Variants in EPB41L1 observed in about 807,000 individuals in gnomAD.
The protein encoded by EPB41L1 is erythrocyte membrane protein band 4.1 like 1, also known as band 4.1-like protein 1.
EPB41L1 carries 29 observed loss-of-function variants against 97.8 expected under a neutral mutation model. The observed-to-expected ratio is 0.30, with a 90% confidence interval of 0.22 to 0.40. The LOEUF (loss-of-function observed/expected upper bound fraction) is 0.40. Among genes scored for constraint, EPB41L1 ranks in the 10% least tolerant of loss-of-function variants. The pLI, the probability that EPB41L1 is intolerant of heterozygous loss-of-function variation, is 1.00. For missense variants in EPB41L1, 812 were observed against 1,162.3 expected, an observed-to-expected ratio of 0.70 and a Z score of 4.38; for synonymous variants, 383 against 459.2, an observed-to-expected ratio of 0.83 and a Z score of 2.12.
rs368801264 is a variant in EPB41L1 at position 36,198,051 on chromosome 20, G to T, written c.1668+10G>T. 1 of 1,612,476 alleles carries T rather than the reference G, an allele frequency of 6.2e-7. No individual in the cohort carries two copies. Among genetic ancestry groups the T allele is most frequent in the Admixed American group, 1.7e-5 (1 of 59,988 alleles). ...TGAGAAAGCCAATGAGGTAGGTGTCGCCCTGAACCCCTCGATAGGGGCCTT... is the reference window on the plus strand; with the variant it reads ...TGAGAAAGCCAATGAGGTAGGTGTCTCCCTGAACCCCTCGATAGGGGCCTT... On this transcript the variant is annotated intron_variant, in intron 14 of 21. Transcript: ENST00000338074.
intron 2 of EPB41L1, among the ~76,000 whole-genome samples, chr20:36,127,467 G>T (rs1029841754): frequency 6.6e-6 from 1 of 152,160 alleles, no homozygotes; most frequent in Non-Finnish European, 1.5e-5. Flanking sequence ...CACTGTGTTG[G>T]TGTCTCTGTC....
At chr20:36,198,622 G>A (rs1017565246) in intron 14 of EPB41L1, among the ~76,000 whole-genome samples, 1 of 152,314 alleles carries the variant, frequency 6.6e-6, no homozygotes, top group South Asian at 2.1e-4. Flanking sequence ...CTGCCTTTCC[G>A]AGTGGAAAGA....
chr20:36,196,305 T>C (rs924900843), intron 13 of EPB41L1, among the ~76,000 whole-genome samples: 3 of 152,176 alleles, frequency 2.0e-5, no homozygotes, highest in African/African-American at 7.2e-5. Context: ...CCTTAACCTT[T>C]AGGGATCCCA....
At chr20:36,133,159 G>A (rs1213624699) in intron 2 of EPB41L1, among the ~76,000 whole-genome samples, 1 of 152,216 alleles carries the variant, frequency 6.6e-6, no homozygotes. Context: ...CAGTTGGCCT[G>A]GTCCACCAGC....
chr20:36,124,598 G>A (rs2058888193), intron 2 of EPB41L1, among the ~76,000 whole-genome samples: 1 of 151,892 alleles, frequency 6.6e-6, no homozygotes, highest in Non-Finnish European at 1.5e-5. Flanking sequence ...TATCCTCTAC[G>A]TCGCAGTTTA....
chr20:36,138,818 A>G (rs1169762873), intron 2 of EPB41L1, among the ~76,000 whole-genome samples: 3 of 152,002 alleles, frequency 2.0e-5, no homozygotes, highest in Non-Finnish European at 2.9e-5. Flanking sequence ...CTATTGTGAC[A>G]TGCTGCCTCC....
chr20:36,210,400 G>A (rs1267434783), intron 15 of EPB41L1, among the ~76,000 whole-genome samples: 1 of 152,076 alleles, frequency 6.6e-6, no homozygotes, highest in Non-Finnish European at 1.5e-5. Context: ...TGGTCATTGA[G>A]GAGGGACAGA....
chr20:36,115,555 G>C (rs1398341306), intron 2 of EPB41L1, among the ~76,000 whole-genome samples: 1 of 152,140 alleles, frequency 6.6e-6, no homozygotes, highest in Non-Finnish European at 1.5e-5. Flanking sequence ...CTTACATTGT[G>C]CCAGGCTCCA....
At chr20:36,155,293 C>T (rs1329524925) in intron 1 of EPB41L1, 4 of 410,314 alleles carry the variant, frequency 9.7e-6, no homozygotes, top group South Asian at 1.8e-5. Context: ...GGGATGCTGG[C>T]GAGCCCTTGC....
At chr20:36,215,888 A>G (rs2063412940) in intron 17 of EPB41L1, among the ~76,000 whole-genome samples, 2 of 152,236 alleles carry the variant, frequency 1.3e-5, no homozygotes, top group Admixed American at 6.5e-5. Context: ...CATACAGCGG[A>G]GAACAAGGCC....
chr20:36,207,114 C>A lies in EPB41L1; in HGVS notation c.1669-2374C>A. 7.8e-7 allele frequency: 1 copy of A among 1,289,380 alleles called. No individual in the cohort carries two copies. Among genetic ancestry groups the A allele is most frequent in the Non-Finnish European group, 1.0e-6 (1 of 988,522 alleles). The allele number at this position is 1,289,380 out of a possible 1,614,324, so 79.9% of individuals were successfully genotyped here. On this transcript the variant is annotated intron_variant, in intron 14 of 21. Coordinates refer to ENST00000338074, the MANE Select transcript of EPB41L1 (RefSeq NM_012156.2). The surrounding 1 kb of genome is among the most constrained non-coding windows in gnomAD (Gnocchi z 4.9). Reference sequence around the variant, plus strand: ...CAGCCTCCCCTGGTCATTCTGAGGACCTGGCAGCTCTGGAGGAAGCTTCTC... The same window carrying A: ...CAGCCTCCCCTGGTCATTCTGAGGAACTGGCAGCTCTGGAGGAAGCTTCTC...
At chr20:36,188,637 CACACAGAGAGAG>C (rs1569253930) in intron 9 of EPB41L1, 138 bp downstream of exon 9, 7 of 465,848 alleles carry the variant, frequency 1.5e-5, no homozygotes, top group African/African-American at 1.0e-4. Flanking sequence ...CACACACACA[CACACAGAGAGAG>C]AGAGAGAGAG....
At chr20:36,131,012 G>C (rs929052613) in intron 2 of EPB41L1, among the ~76,000 whole-genome samples, 6 of 139,472 alleles carry the variant, frequency 4.3e-5, no homozygotes. Context: ...TTTTGCTCTT[G>C]TTGCCCAGGC....
intron 7 of EPB41L1, among the ~76,000 whole-genome samples, chr20:36,186,925 C>T (rs1315815053): frequency 6.6e-6 from 1 of 152,192 alleles, no homozygotes; most frequent in African/African-American, 2.4e-5. Flanking sequence ...TCTGAAGTCA[C>T]ATTGTCTAGA....
chr20:36,222,046 G>T lies in EPB41L1; in HGVS notation c.2520+102G>T, dbSNP rs2063812980. The T allele has an allele frequency of 3.9e-6, 5 of 1,289,036 alleles. No homozygotes were observed. The South Asian group carries it at 5.9e-5, about 15-fold the overall frequency. 79.8% of individuals were successfully genotyped at this position (1,289,036 alleles called of 1,614,324 possible). ...GGCTATCCTCATGGGCAGAGAAGGTGTCCACTTCTTGCTGACCCTGTTCAG... is the reference window on the plus strand; with the variant it reads ...GGCTATCCTCATGGGCAGAGAAGGTTTCCACTTCTTGCTGACCCTGTTCAG... On this transcript the variant is annotated intron_variant, in intron 20 of 21. Coordinates refer to ENST00000338074, the MANE Select transcript of EPB41L1 (RefSeq NM_012156.2).
chr20:36,172,088 A>T (rs189439412), intron 1 of EPB41L1, among the ~76,000 whole-genome samples: 1 of 152,016 alleles, frequency 6.6e-6, no homozygotes, highest in African/African-American at 2.4e-5. Context: ...TATTTATTTT[A>T]ATTTAATTTT....
chr20:36,131,686 G>A (rs768881974), intron 2 of EPB41L1, among the ~76,000 whole-genome samples: 8 of 152,170 alleles, frequency 5.3e-5, no homozygotes, highest in Admixed American at 2.6e-4. Context: ...ACTACGGTAA[G>A]CCAGGATGAC....
At chr20:36,186,864 G>A (rs2061704631) in intron 7 of EPB41L1, among the ~76,000 whole-genome samples, 1 of 152,190 alleles carries the variant, frequency 6.6e-6, no homozygotes, top group Non-Finnish European at 1.5e-5. Context: ...ACAGGAAACT[G>A]AGGCCTGGAG....
intron 2 of EPB41L1, among the ~76,000 whole-genome samples, chr20:36,123,109 C>T (rs1267681662): frequency 1.3e-5 from 2 of 151,894 alleles, no homozygotes; most frequent in Non-Finnish European, 2.9e-5. Context: ...GGCCCCCTCC[C>T]ATGCTCCACT....
Sources: allele counts gnomAD v4.1 joint callset (sites outside exome capture counted in the v4.1 genomes callset), GRCh38; gene constraint gnomAD v4.1.1; non-coding constraint Gnocchi (gnomAD v3.1); transcripts MANE v1.5; gene names NCBI Gene and HGNC (gene_info 2026-07-23, HGNC 2026-07-21).